Variants in FBXO31 observed in about 807,000 individuals in gnomAD.
FBXO31 encodes F-box only protein 31.
In FBXO31, 24 loss-of-function variants were observed where a neutral mutation model predicts 54.4. The ratio of observed to expected loss-of-function variants is 0.44; its 90% CI spans 0.32 to 0.62. FBXO31 has a LOEUF of 0.62. Ranked by LOEUF, FBXO31 falls within the 20% of genes least tolerant of loss-of-function variation. FBXO31 has a pLI of 0.05. For synonymous variants in FBXO31, 388 were observed against 335.6 expected, an observed-to-expected ratio of 1.16 and a Z score of -1.71; for missense variants, 665 against 787.1, an observed-to-expected ratio of 0.84 and a Z score of 1.86.
At chr16:87,348,595 T>C (rs1467154049) in intron 2 of FBXO31, among the ~76,000 whole-genome samples, 1 of 152,142 alleles carries the variant, frequency 6.6e-6, no homozygotes, top group African/African-American at 2.4e-5. Flanking sequence ...GGGTGCTTTG[T>C]GGACACCTCC....
chr16:87,340,728 C>T (rs1036949003), intron 5 of FBXO31, among the ~76,000 whole-genome samples: 4 of 151,936 alleles, frequency 2.6e-5, no homozygotes, highest in African/African-American at 7.3e-5. Context: ...GAGGCCAAGG[C>T]GGTAAGATCA....
chr16:87,376,001 A>T (rs1258863963), intron 1 of FBXO31, among the ~76,000 whole-genome samples: 1 of 152,226 alleles, frequency 6.6e-6, no homozygotes, highest in African/African-American at 2.4e-5. Context: ...TATTGCCAAC[A>T]GGACAATGGA....
intron 2 of FBXO31, 122 bp downstream of exon 2, chr16:87,360,173 G>A (rs1472858924): frequency 2.3e-6 from 2 of 865,168 alleles, no homozygotes; most frequent in African/African-American, 3.3e-5. Flanking sequence ...AAATGTGACT[G>A]TAAGATGGTG....
rs573069615 is a variant in FBXO31 at position 87,348,868 on chromosome 16, GAAC to G, written c.413-1621_413-1619del. On this transcript the variant is annotated intron_variant, in intron 2 of 8. Transcript: ENST00000311635. ...GCTCCCGCAAACCCTGGATCCCGCA[GAAC>G]AACTGAGCACTCAGCAAGGCAGGTA... Among the ~76,000 whole-genome samples the G allele has an allele frequency of 6.6e-5, 10 of 152,326 alleles. No homozygotes were observed. The East Asian group carries it at 1.9e-3, about 29-fold the overall frequency.
chr16:87,331,405 C>T lies in FBXO31; in HGVS notation c.1503G>A (p.Leu501=). The T allele has an allele frequency of 6.2e-7, 1 of 1,613,876 alleles. No individual in the cohort carries two copies. Among genetic ancestry groups the T allele is most frequent in the Non-Finnish European group, 8.5e-7 (1 of 1,180,020 alleles). ...TGTACAGGCTGAAGGATTTCAGCTC[C>T]AGCCAGACGAACCCGAAGCGGTCCT... The part of the protein sequence containing the change: ...FDEDRFGFVW[L]ELKSFSLYSR... The change falls in exon 9 of 9, where the codon CTG becomes CTA. Residue 501 remains leucine (L), a synonymous_variant. Coordinates refer to ENST00000311635, the MANE Select transcript of FBXO31 (RefSeq NM_024735.5).
chr16:87,387,528 G>A (rs534122401), upstream of FBXO31, among the ~76,000 whole-genome samples: 6 of 152,242 alleles, frequency 3.9e-5, no homozygotes, highest in South Asian at 1.0e-3. Context: ...CATGTTAACT[G>A]GGCAGGGCGC....
chr16:87,360,555 A>G (rs747102468), intron 1 of FBXO31, among the ~76,000 whole-genome samples, 189 bp from the exon 2 acceptor site: 1 of 152,264 alleles, frequency 6.6e-6, no homozygotes, highest in African/African-American at 2.4e-5. Context: ...ACCGATGAAG[A>G]CATTATTCTA....
At chr16:87,379,741 C>G (rs978365507) in intron 1 of FBXO31, among the ~76,000 whole-genome samples, 2 of 151,898 alleles carry the variant, frequency 1.3e-5, no homozygotes, top group Non-Finnish European at 2.9e-5. Context: ...ACGCCCACCA[C>G]CACACCCAGC....
At chr16:87,348,471 TG>T (rs1414542348) in intron 2 of FBXO31, among the ~76,000 whole-genome samples, 1 of 152,192 alleles carries the variant, frequency 6.6e-6, no homozygotes, top group Non-Finnish European at 1.5e-5. Context: ...TGAACACGCC[TG>T]GGCCCCCTAA....
chr16:87,335,470 G>A lies in FBXO31; in HGVS notation c.843-13C>T, dbSNP rs1046937752. 7.5e-6 allele frequency: 12 copies of A among 1,608,246 alleles called. No homozygotes were observed. Among genetic ancestry groups the A allele is most frequent in the South Asian group, 1.1e-5 (1 of 90,728 alleles). The stretch of plus-strand genomic sequence containing the variant: ...GGTCAGGCAGTTGCTGTGGGGAGCG[G>A]ACGGGTCAGTACAGGAGACCTCGTG... On this transcript the variant is annotated splice_polypyrimidine_tract_variant and intron_variant, in intron 6 of 8. Transcript: ENST00000311635. This position sits in a 1 kb window ranked among gnomAD's most constrained non-coding sequence, Gnocchi z 5.7.
intron 2 of FBXO31, among the ~76,000 whole-genome samples, chr16:87,350,150 G>A (rs950524523): frequency 1.2e-4 from 18 of 152,070 alleles, no homozygotes; most frequent in African/African-American, 2.2e-4. Flanking sequence ...GGGGCCATGG[G>A]GGTTTCGGAG....
At chr16:87,356,591 G>A (rs762764231) in intron 2 of FBXO31, among the ~76,000 whole-genome samples, 6 of 152,178 alleles carry the variant, frequency 3.9e-5, no homozygotes, top group East Asian at 1.9e-4. Context: ...ACCCTGAAGC[G>A]TGCTAACCAA....
At chr16:87,364,593 C>T (rs994129829) in intron 1 of FBXO31, among the ~76,000 whole-genome samples, 11 of 151,980 alleles carry the variant, frequency 7.2e-5, no homozygotes, top group African/African-American at 2.2e-4. Flanking sequence ...AACTGCCCAC[C>T]CGTCAGACTG....
In FBXO31 at chr16:87,354,584, C is replaced by T. The variant is rs577421571; in HGVS notation, c.412+5711G>A. ...TCCCCTTAACACTCCCAACACCTTA[C>T]AAATGCGTATTATCCAGAGTGCCAG... On this transcript the variant is annotated intron_variant, in intron 2 of 8. Coordinates refer to ENST00000311635, the MANE Select transcript of FBXO31 (RefSeq NM_024735.5). Among the ~76,000 whole-genome samples the T allele has an allele frequency of 1.2e-4, 18 of 152,256 alleles. No individual in the cohort carries two copies. In the South Asian group the frequency reaches 1.9e-3, roughly 16 times the overall value.
chr16:87,386,649 G>A (rs1484245748), upstream of FBXO31, among the ~76,000 whole-genome samples: 1 of 152,144 alleles, frequency 6.6e-6, no homozygotes, highest in Non-Finnish European at 1.5e-5. Flanking sequence ...GGCCAGGCTG[G>A]TCTTGAATTC....
chr16:87,375,669 C>G lies in FBXO31; in HGVS notation c.340+7736G>C, dbSNP rs545539674. Among the ~76,000 whole-genome samples, 140 of 152,220 alleles carry G rather than the reference C, an allele frequency of 9.2e-4. 1 individual carries two copies. The highest frequency in any genetic ancestry group is 1.7e-3 in the Non-Finnish European group (118 of 68,004). ...TGAAGGCTTCTTTATATTCCTCAGG[C>G]AAGGAACTGCCAGAGGCCGAGGGCG... On this transcript the variant is annotated intron_variant, in intron 1 of 8. Coordinates refer to ENST00000311635, the MANE Select transcript of FBXO31 (RefSeq NM_024735.5).
At chr16:87,390,566 G>A (rs1040240488), upstream of FBXO31, among the ~76,000 whole-genome samples, 2 of 150,282 alleles carry the variant, frequency 1.3e-5, no homozygotes, top group African/African-American at 2.5e-5. Context: ...TCAGCCTCCC[G>A]AGTAGCTGGG....
At position 87,345,641 on chromosome 16, in the gene FBXO31, A is replaced by G. The variant is rs1905353212; in HGVS notation, c.489+1533T>C. 6.6e-6 allele frequency among the ~76,000 whole-genome samples: 1 copy of G among 152,254 alleles called. No homozygotes were observed. The highest frequency in any genetic ancestry group is 1.5e-5 in the Non-Finnish European group (1 of 68,046). The stretch of plus-strand genomic sequence containing the variant: ...TGCTGAGACCAGCCACGAAGACTGA[A>G]CACTCTCTCCTAATTCCAGGAGAAA... On this transcript the variant is annotated intron_variant, in intron 3 of 8. Coordinates refer to ENST00000311635, the MANE Select transcript of FBXO31 (RefSeq NM_024735.5). The surrounding 1 kb of genome is among the most constrained non-coding windows in gnomAD (Gnocchi z 4.9).
At position 87,331,188 on chromosome 16, in the gene FBXO31, G is replaced by C. The variant is rs1904841754; in HGVS notation, c.*100C>G. 5.6e-6 allele frequency: 7 copies of C among 1,253,992 alleles called. No individual in the cohort carries two copies. Among genetic ancestry groups the C allele is most frequent in the Non-Finnish European group, 6.8e-6 (6 of 884,496 alleles). The allele number at this position is 1,253,992 out of a possible 1,614,324, so 77.7% of individuals were successfully genotyped here. ...GCCCCCCGACGAGGTGTGCGTTCTG[G>C]TCAAAAGGCCGGATTTCCAAAGTGC... is the stretch of plus-strand genomic sequence containing the variant. On this transcript the variant is annotated 3_prime_UTR_variant, in exon 9 of 9. Transcript: ENST00000311635.
Sources: allele counts gnomAD v4.1 joint callset (sites outside exome capture counted in the v4.1 genomes callset), GRCh38; gene constraint gnomAD v4.1.1; non-coding constraint Gnocchi (gnomAD v3.1); transcripts MANE v1.5; gene names NCBI Gene and HGNC (gene_info 2026-07-23, HGNC 2026-07-21).